The following SND1 variants were observed in gnomAD, a reference collection of about 807,000 sequenced individuals.
SND1 encodes the protein staphylococcal nuclease and tudor domain containing 1.
Under a neutral mutation model 121.7 loss-of-function variants are expected in SND1, and 38 were observed. That is an observed-to-expected ratio of 0.31 (90% CI 0.24 to 0.41). The LOEUF is 0.41. Ranked by LOEUF, SND1 falls within the 10% of genes least tolerant of loss-of-function variation. The pLI is 1.00. For missense variants in SND1, 868 were observed against 1,184.6 expected, an observed-to-expected ratio of 0.73 and a Z score of 3.92; for synonymous variants, 401 against 447.4, an observed-to-expected ratio of 0.90 and a Z score of 1.31.
intron 7 of SND1, 74 bp downstream of exon 7, chr7:127,703,397 T>A: frequency 6.6e-7 from 1 of 1,514,860 alleles, no homozygotes; most frequent in Non-Finnish European, 9.0e-7. Context: ...GGGGTTTGCT[T>A]CTCTTTCTCT....
At chr7:127,800,264 G>A (rs1798103302) in intron 10 of SND1, among the ~76,000 whole-genome samples, 1 of 152,142 alleles carries the variant, frequency 6.6e-6, no homozygotes, top group African/African-American at 2.4e-5. Context: ...CATGTCTGTA[G>A]TTCTTATTGT....
At chr7:127,913,395 A>AT (rs1800501768) in intron 14 of SND1, among the ~76,000 whole-genome samples, 1 of 152,198 alleles carries the variant, frequency 6.6e-6, no homozygotes, top group Admixed American at 6.5e-5. Context: ...AGCTATAATG[A>AT]TTTTTGCCTT....
At chr7:127,979,738 TAAC>T (rs1467714412) in intron 15 of SND1, among the ~76,000 whole-genome samples, 1 of 152,224 alleles carries the variant, frequency 6.6e-6, no homozygotes, top group African/African-American at 2.4e-5. Flanking sequence ...TCATTGTACT[TAAC>T]AATTTACAGG....
At position 128,082,967 on chromosome 7, in the gene SND1, A is replaced by AGG. The variant is rs574164149; in HGVS notation, c.2110+1468_2110+1469dup. ...TGTGTCCTTAGAATGCTGGAAGAGA[A>AGG]GGGAGTGAGGCCCTTCCTGGCAGGC... On this transcript the variant is annotated intron_variant, in intron 18 of 23. Coordinates refer to ENST00000354725, the MANE Select transcript of SND1 (RefSeq NM_014390.4). 4.0e-3 allele frequency among the ~76,000 whole-genome samples: 605 copies of AGG among 152,312 alleles called. 3 individuals carry two copies. Among genetic ancestry groups the AGG allele is most frequent in the African/African-American group, 0.011 (457 of 41,576 alleles).
chr7:127,941,651 A>G lies in SND1; in HGVS notation c.1669+12322A>G, dbSNP rs184899480. On this transcript the variant is annotated intron_variant, in intron 15 of 23. Coordinates refer to ENST00000354725, the MANE Select transcript of SND1 (RefSeq NM_014390.4). ...GTGTTTTGGATGCAGCCCCTGTGCT[A>G]GGCATGCGGTTATTAACTCCACTGA... Among the ~76,000 whole-genome samples the G allele has an allele frequency of 6.0e-4, 92 of 152,288 alleles. 1 individual carries two copies. The highest frequency in any genetic ancestry group is 2.1e-3 in the African/African-American group (88 of 41,550).
Position 128,052,973 on chromosome 7 carries a change from G to T in SND1, c.1780-21529G>T, listed in dbSNP as rs1008119401. 4.6e-5 allele frequency among the ~76,000 whole-genome samples: 7 copies of T among 152,208 alleles called. No homozygotes were observed. Among genetic ancestry groups the T allele is most frequent in the African/African-American group, 1.7e-4 (7 of 41,440 alleles). On this transcript the variant is annotated intron_variant, in intron 16 of 23. Coordinates refer to ENST00000354725, the MANE Select transcript of SND1 (RefSeq NM_014390.4). The surrounding 1 kb of genome is among the most constrained non-coding windows in gnomAD (Gnocchi z 4.6). ...ATTGGCATATGATTATCTTAAACTGGTTGGTATAAAAATAGAGCATAAATC... is the reference window on the plus strand; with the variant it reads ...ATTGGCATATGATTATCTTAAACTGTTTGGTATAAAAATAGAGCATAAATC...
chr7:127,798,653 C>G (rs969399701), intron 10 of SND1, among the ~76,000 whole-genome samples: 5 of 151,890 alleles, frequency 3.3e-5, no homozygotes, highest in Admixed American at 2.6e-4. Flanking sequence ...AAACTCTGAC[C>G]CCCTCTTTGT....
At chr7:127,795,918 C>T (rs772820346) in intron 10 of SND1, among the ~76,000 whole-genome samples, 96 of 151,974 alleles carry the variant, frequency 6.3e-4, no homozygotes, top group Non-Finnish European at 1.1e-3. Flanking sequence ...AGTGCAGTGG[C>T]GTGATCTCGG....
At chr7:127,923,535 C>A (rs538706964) in intron 14 of SND1, among the ~76,000 whole-genome samples, 23 of 152,182 alleles carry the variant, frequency 1.5e-4, no homozygotes, top group Admixed American at 4.6e-4. Context: ...ATCCTCCCCC[C>A]GCAGGGTTCC....
At chr7:127,934,005 A>T (rs929470675) in intron 15 of SND1, among the ~76,000 whole-genome samples, 3 of 152,248 alleles carry the variant, frequency 2.0e-5, no homozygotes, top group African/African-American at 7.2e-5. Flanking sequence ...ACAGACATGT[A>T]AACAAAATGT....
intron 11 of SND1, among the ~76,000 whole-genome samples, chr7:127,841,410 C>T (rs1417892584): frequency 1.3e-5 from 2 of 152,254 alleles, no homozygotes; most frequent in Admixed American, 1.3e-4. Context: ...CCAGCGAATG[C>T]CCCCAAATTG....
chr7:127,892,559 GTAAA>G (rs1800027885), intron 13 of SND1, among the ~76,000 whole-genome samples: 1 of 152,082 alleles, frequency 6.6e-6, no homozygotes, highest in Admixed American at 6.6e-5. Flanking sequence ...TGTTTAAAGG[GTAAA>G]TAAACCTCAC....
chr7:127,664,982 G>C (rs1327123669), intron 1 of SND1, among the ~76,000 whole-genome samples: 2 of 152,080 alleles, frequency 1.3e-5, no homozygotes, highest in African/African-American at 4.8e-5. Flanking sequence ...TATCTGGCAC[G>C]GAGAACACTT....
At chr7:128,067,030 G>A (rs1166952610) in intron 16 of SND1, among the ~76,000 whole-genome samples, 1 of 152,136 alleles carries the variant, frequency 6.6e-6, no homozygotes, top group African/African-American at 2.4e-5. Flanking sequence ...AGCAAATGGG[G>A]CTTCCCTGCT....
At chr7:127,988,408 G>A (rs1298694352) in intron 15 of SND1, among the ~76,000 whole-genome samples, 1 of 152,252 alleles carries the variant, frequency 6.6e-6, no homozygotes, top group Non-Finnish European at 1.5e-5. Flanking sequence ...CTGCTGGGAA[G>A]TGGACTAGCA....
chr7:127,784,721 G>A (rs1797781369), intron 10 of SND1, among the ~76,000 whole-genome samples: 1 of 152,220 alleles, frequency 6.6e-6, no homozygotes, highest in Admixed American at 6.5e-5. Context: ...CGTAGTGAAA[G>A]TGGTAGAGAG....
At chr7:127,726,668 A>G (rs535027452) in intron 10 of SND1, among the ~76,000 whole-genome samples, 23 of 152,230 alleles carry the variant, frequency 1.5e-4, no homozygotes, top group African/African-American at 5.3e-4. Flanking sequence ...TTTGTGTTAC[A>G]CTTGGAGTGT....
chr7:128,003,839 T>C (rs1156487781), intron 16 of SND1, among the ~76,000 whole-genome samples: 1 of 152,164 alleles, frequency 6.6e-6, no homozygotes, highest in African/African-American at 2.4e-5. Flanking sequence ...TCATGCCCTT[T>C]CACAGCCAAG....
At chr7:128,047,846 T>C (rs965017438) in intron 16 of SND1, among the ~76,000 whole-genome samples, 1 of 151,920 alleles carries the variant, frequency 6.6e-6, no homozygotes, top group African/African-American at 2.4e-5. Context: ...TTTATGAACC[T>C]GCATCTTTTT....
Sources: allele counts gnomAD v4.1 joint callset (sites outside exome capture counted in the v4.1 genomes callset), GRCh38; gene constraint gnomAD v4.1.1; non-coding constraint Gnocchi (gnomAD v3.1); transcripts MANE v1.5; gene names NCBI Gene and HGNC (gene_info 2026-07-23, HGNC 2026-07-21).